Variants in GGNBP2 observed in about 807,000 individuals in gnomAD.
GGNBP2 encodes the protein gametogenetin-binding protein 2.
A neutral mutation model predicts 85.9 loss-of-function variants in GGNBP2; 10 were observed. The ratio of observed to expected loss-of-function variants is 0.12; its 90% CI spans 0.07 to 0.20. GGNBP2 has a LOEUF of 0.20. Ranked by LOEUF, GGNBP2 falls within the 10% of genes least tolerant of loss-of-function variation. The probability of loss-of-function intolerance (pLI) is 1.00; values close to 1 mark genes in which losing one functional copy is unlikely to be tolerated. For missense variants in GGNBP2, 595 were observed against 857.8 expected (o/e 0.69, Z 3.83); for synonymous variants, 287 against 285.7 (o/e 1.00, Z -0.05).
At chr17:36,557,986 G>A (rs2074379513) in intron 4 of GGNBP2, among the ~76,000 whole-genome samples, 2 of 152,162 alleles carry the variant, frequency 1.3e-5, no homozygotes, top group East Asian at 1.9e-4. Context: ...GTGGCGCATG[G>A]CTGTCATCAC....
chr17:36,576,695 C>T (rs1199100898), intron 6 of GGNBP2: 1 of 133,940 alleles, frequency 7.5e-6, no homozygotes, highest in Admixed American at 8.1e-5. Flanking sequence ...ATAGCATAGG[C>T]AACTTAAACC....
chr17:36,570,273 G>A (rs2074510044), intron 6 of GGNBP2, among the ~76,000 whole-genome samples: 1 of 152,226 alleles, frequency 6.6e-6, no homozygotes, highest in South Asian at 2.1e-4. Context: ...AGCTACTGGG[G>A]AGGGTGAGGT....
At chr17:36,548,091 G>C (rs966562466) in intron 2 of GGNBP2, among the ~76,000 whole-genome samples, 2 of 152,200 alleles carry the variant, frequency 1.3e-5, no homozygotes, top group South Asian at 2.1e-4. Context: ...CTTAGGTTTT[G>C]TCTTTGTCCC....
chr17:36,560,776 C>T lies in GGNBP2; in HGVS notation c.432C>T (p.Ser144=). 1.3e-6 allele frequency: 2 copies of T among 1,517,322 alleles called. No homozygotes were observed. Among genetic ancestry groups the T allele is most frequent in the Admixed American group, 3.9e-5 (2 of 50,952 alleles). The allele number at this position is 1,517,322 out of a possible 1,614,324, so 94.0% of individuals were successfully genotyped here. A position where few individuals can be genotyped will look rare whatever the true frequency, so the allele number is the denominator to read the frequency against. ...AATATGTTTTATTTTTAATTAGGTC[C>T]AAACTAAATGACATGATAGATGCTA... The part of the protein sequence containing the change: ...KLYTLFYVHG[S]KLNDMIDAIP... Residue 144 remains serine (S), a synonymous_variant, in exon 5 of 14, where the codon TCC becomes TCT. Transcript: ENST00000613102.
intron 3 of GGNBP2, among the ~76,000 whole-genome samples, chr17:36,556,201 AC>A (rs1049060288): frequency 1.2e-4 from 19 of 152,178 alleles, no homozygotes; most frequent in Non-Finnish European, 2.4e-4. Context: ...CCTTGTCATA[AC>A]CAGCAGATAC....
chr17:36,582,075 T>C (rs2142778696), intron 9 of GGNBP2: 1 of 152,248 alleles, frequency 6.6e-6, no homozygotes, highest in East Asian at 1.9e-4. Context: ...GATGGCGTTT[T>C]ACCATGTTGT....
rs1054707052 is a variant in GGNBP2 at position 36,547,517 on chromosome 17, C to G, written c.93+1700C>G. The G allele has an allele frequency of 3.3e-5, 5 of 152,188 alleles. No homozygotes were observed. The East Asian group carries it at 9.6e-4, about 29-fold the overall frequency. 9.4% of individuals were successfully genotyped at this position (152,188 alleles called of 1,614,324 possible). The stretch of plus-strand genomic sequence containing the variant: ...CACATAACCACCTTTGTGAATGCAG[C>G]ACATTAATACATCTGTCATATAGCA... On this transcript the variant is annotated intron_variant, in intron 2 of 13. Coordinates refer to ENST00000613102, the MANE Select transcript of GGNBP2 (RefSeq NM_024835.5).
intron 10 of GGNBP2, 87 bp downstream of exon 10, chr17:36,585,537 C>A: frequency 1.0e-6 from 1 of 964,616 alleles, no homozygotes; most frequent in Non-Finnish European, 1.5e-6. Flanking sequence ...ATTCTGTGAG[C>A]TAGAATTTTA....
intron 5 of GGNBP2, among the ~76,000 whole-genome samples, chr17:36,562,196 C>G (rs2074423987): frequency 6.6e-6 from 1 of 152,032 alleles, no homozygotes; most frequent in Admixed American, 6.5e-5. Context: ...GAGACACAGT[C>G]TTGCTCTGTC....
Position 36,589,592 on chromosome 17 carries a change from T to TA in GGNBP2, c.*182dup. The TA allele has an allele frequency of 5.0e-6, 3 of 598,578 alleles. No homozygotes were observed. In the South Asian group the frequency reaches 6.3e-5, roughly 13 times the overall value. 37.1% of individuals were successfully genotyped at this position (598,578 alleles called of 1,614,324 possible). On this transcript the variant is annotated 3_prime_UTR_variant, in exon 14 of 14. Transcript: ENST00000613102. ...AGTTCTTTCTTCAGGCTTGTGTCTT[T>TA]AGTTGCGTGGCTGCGCAGGCCTGCC... is the stretch of plus-strand genomic sequence containing the variant.
intron 9 of GGNBP2, among the ~76,000 whole-genome samples, chr17:36,583,918 G>T (rs1383457821): frequency 6.6e-6 from 1 of 152,126 alleles, no homozygotes; most frequent in Non-Finnish European, 1.5e-5. Flanking sequence ...GAATCCGTTG[G>T]ACTATATTGG....
chr17:36,564,580 T>C (rs2074450678), intron 5 of GGNBP2, among the ~76,000 whole-genome samples: 1 of 152,214 alleles, frequency 6.6e-6, no homozygotes, highest in Non-Finnish European at 1.5e-5. Flanking sequence ...TTAATTGATC[T>C]TAAGTGGTGT....
At chr17:36,566,083 T>C (rs1489102965) in intron 5 of GGNBP2, among the ~76,000 whole-genome samples, 3 of 152,152 alleles carry the variant, frequency 2.0e-5, no homozygotes, top group East Asian at 1.9e-4. Flanking sequence ...TTTAGCTACA[T>C]AGAGTAAGTT....
At chr17:36,556,971 TA>T in intron 3 of GGNBP2, 111 bp from the exon 4 acceptor site, 1 of 1,280,782 alleles carries the variant, frequency 7.8e-7, no homozygotes, top group Non-Finnish European at 1.1e-6. Context: ...GTAGAGCTGG[TA>T]AACCCTGGCC....
chr17:36,586,218 ATTC>A lies in GGNBP2; in HGVS notation c.1641+23_1641+25del. The A allele has an allele frequency of 6.2e-7, 1 of 1,605,692 alleles. No homozygotes were observed. The highest frequency in any genetic ancestry group is 1.1e-5 in the South Asian group (1 of 90,584). Reference sequence around the variant, plus strand: ...GAACATGTAAGTGTCATAACTTGTAATTCTTAAACCTTTGCTGTTGAGGACAGA... The same window carrying A: ...GAACATGTAAGTGTCATAACTTGTAATTAAACCTTTGCTGTTGAGGACAGA... On this transcript the variant is annotated intron_variant, in intron 12 of 13. Coordinates refer to ENST00000613102, the MANE Select transcript of GGNBP2 (RefSeq NM_024835.5).
intron 4 of GGNBP2, among the ~76,000 whole-genome samples, chr17:36,559,197 G>T (rs2074392674): frequency 8.0e-6 from 1 of 125,768 alleles, no homozygotes; most frequent in Non-Finnish European, 1.9e-5. Flanking sequence ...TACTCAGGAG[G>T]CTGAGACGGG....
At chr17:36,574,712 G>A in intron 6 of GGNBP2, 1 of 632,882 alleles carries the variant, frequency 1.6e-6, no homozygotes, top group Non-Finnish European at 2.8e-6. Flanking sequence ...CAGCTTCTTG[G>A]GTACAGGCAC....
intron 2 of GGNBP2, chr17:36,547,299 C>A (rs1457415761): frequency 1.3e-5 from 2 of 152,036 alleles, no homozygotes; most frequent in African/African-American, 4.8e-5. Context: ...AAACACTTTT[C>A]TGAAGCATAT....
chr17:36,573,873 T>A (rs1463805938), intron 6 of GGNBP2, among the ~76,000 whole-genome samples: 1 of 152,158 alleles, frequency 6.6e-6, no homozygotes, highest in Non-Finnish European at 1.5e-5. Context: ...TTATTTACTT[T>A]TAAGTTATTT....
Sources: gnomAD v4.1 joint callset for allele counts (sites outside exome capture counted in the v4.1 genomes callset) on GRCh38, gnomAD v4.1.1 for gene constraint, MANE v1.5 for transcripts, NCBI Gene and HGNC (gene_info 2026-07-23, HGNC 2026-07-21) for gene names.